ZNF425: variants seen among roughly 807,000 people sequenced by gnomAD.
ZNF425 encodes zinc finger protein 425.
A neutral mutation model predicts 17.0 loss-of-function variants in ZNF425; 21 were observed. The observed-to-expected ratio is 1.23, with a 90% CI of 0.88 to 1.78. ZNF425 has a LOEUF of 1.78. ZNF425 is among the 40% of genes most tolerant of loss of function. The probability of loss-of-function intolerance (pLI) is 0.00; values close to 1 mark genes in which losing one functional copy is unlikely to be tolerated. For synonymous variants in ZNF425, 433 were observed against 384.1 expected, an observed-to-expected ratio of 1.13 and a Z score of -1.49; for missense variants, 868 against 967.3, an observed-to-expected ratio of 0.90 and a Z score of 1.36.
chr7:149,112,324 G>A (rs773018762), intron 2 of ZNF425, 29 bp from the exon 3 acceptor site: 2 of 1,600,190 alleles, frequency 1.2e-6, no homozygotes, highest in Admixed American at 3.4e-5. Flanking sequence ...CAGACTTTGA[G>A]TTTACTGCAT....
intron 2 of ZNF425, among the ~76,000 whole-genome samples, chr7:149,117,610 A>ATCTTTT (rs919363001): frequency 2.2e-4 from 1 of 4,580 alleles, no homozygotes; most frequent in Non-Finnish European, 5.3e-4. Context: ...CTTCTTTTAA[A>ATCTTTT]AAAAAAGGGG....
chr7:149,115,456 C>T (rs187259349), intron 2 of ZNF425, among the ~76,000 whole-genome samples: 1 of 138,598 alleles, frequency 7.2e-6, no homozygotes, highest in Non-Finnish European at 1.5e-5. Flanking sequence ...GAGTTCGAGA[C>T]CACCCTGGCC....
chr7:149,104,260 T>C lies in ZNF425; in HGVS notation c.1611A>G (p.Arg537=), dbSNP rs1159271743. Residue 537 remains arginine, a synonymous_variant, in exon 4 of 4, where the codon CGA becomes CGG. Coordinates refer to ENST00000378061, the MANE Select transcript of ZNF425 (RefSeq NM_001001661.3). The surrounding 1 kb of genome is among the most constrained non-coding windows in gnomAD (Gnocchi z 4.3). ...SCAECGRSFR[R]RAHLTEHTRL... is the part of the protein sequence containing the mutation. ...TCGTGTGCTCTGTGAGATGCGCGCG[T>C]CGGCGGAAACTGCGGCCGCACTCGG... 3 of 1,613,470 alleles carry C rather than the reference T, an allele frequency of 1.9e-6. No homozygotes were observed. The South Asian group carries it at 3.3e-5, about 18-fold the overall frequency.
intron 2 of ZNF425, among the ~76,000 whole-genome samples, chr7:149,113,668 C>T (rs1826210006): frequency 6.6e-6 from 1 of 151,560 alleles, no homozygotes; most frequent in African/African-American, 2.4e-5. Flanking sequence ...TCTCCTGCCT[C>T]AGCCTCCCGA....
rs539837535 is a variant in ZNF425, at chr7:149,111,623, T to A, written c.304+514A>T. On this transcript the variant is annotated intron_variant, in intron 3 of 3. Transcript: ENST00000378061. ...AAAAAAAAAAAAAAAAAAAAAAAATTATATATCTATATAAAACTTTCTGTA... is the reference window on the plus strand; with the variant it reads ...AAAAAAAAAAAAAAAAAAAAAAAATAATATATCTATATAAAACTTTCTGTA... 9.4e-3 allele frequency among the ~76,000 whole-genome samples: 1,180 copies of A among 125,692 alleles called. 5 individuals are homozygous for A. The highest frequency in any genetic ancestry group is 0.02 in the African/African-American group (644 of 32,676). 82.5% of individuals were successfully genotyped at this position (125,692 alleles called of 152,430 possible).
At chr7:149,121,782 T>C (rs1354863144) in intron 1 of ZNF425, among the ~76,000 whole-genome samples, 2 of 152,182 alleles carry the variant, frequency 1.3e-5, no homozygotes, top group Non-Finnish European at 2.9e-5. Flanking sequence ...ACTGTTCTGA[T>C]AGGTGTATAG....
chr7:149,107,758 A>G (rs980909298), intron 3 of ZNF425, among the ~76,000 whole-genome samples: 1 of 152,106 alleles, frequency 6.6e-6, no homozygotes, highest in Non-Finnish European at 1.5e-5. Context: ...ACCATTGCAG[A>G]TATTCACTTA....
intron 1 of ZNF425, among the ~76,000 whole-genome samples, chr7:149,121,596 T>C (rs1826353533): frequency 6.6e-6 from 1 of 152,102 alleles, no homozygotes; most frequent in Non-Finnish European, 1.5e-5. Flanking sequence ...TTCACTATGT[T>C]GGTCAGGCTG....
In ZNF425 at chr7:149,104,465, G is replaced by C. The variant is rs564517698; in HGVS notation, c.1406C>G (p.Pro469Arg). ...CTTGCCGCACTCGGCGCAGGGGAAG[G>C]GCTTTTGCTCGCTGTGCAGGCGCTG... is the stretch of plus-strand genomic sequence containing the variant. ...AHQRLHSEQK[P>R]FPCAECGKRF... The change falls in exon 4 of 4, where the codon CCC (proline) becomes CGC (arginine). Residue 469 changes from proline (P) to arginine (R), a missense_variant. Coordinates refer to ENST00000378061, the MANE Select transcript of ZNF425 (RefSeq NM_001001661.3). This position sits in a 1 kb window ranked among gnomAD's most constrained non-coding sequence, Gnocchi z 4.3. The C allele has an allele frequency of 5.6e-6, 9 of 1,599,810 alleles. No homozygotes were observed. Among genetic ancestry groups the C allele is most frequent in the Non-Finnish European group, 7.7e-6 (9 of 1,174,100 alleles).
At position 149,105,157 on chromosome 7, in the gene ZNF425, C is replaced by G; in HGVS notation, c.714G>C (p.Arg238Ser). ...GGAACCGCTTCTTCTGACACAGGAG[C>G]CTCTGCGTCCGCCTGAGTTCGGACT... ...RGKSELRRTQ[R>S]LLCQKKRFQC... The change falls in exon 4 of 4, where the codon AGG becomes AGC. Residue 238 changes from arginine to serine, a missense_variant. By Grantham distance (110) the Arg-to-Ser change is moderately radical. This residue lies in a region of ZNF425 where 243 missense variants were observed against 265.2 expected (regional missense o/e 0.92). Coordinates refer to ENST00000378061, the MANE Select transcript of ZNF425 (RefSeq NM_001001661.3). The G allele has an allele frequency of 6.2e-7, 1 of 1,614,198 alleles. No homozygotes were observed. The highest frequency in any genetic ancestry group is 8.5e-7 in the Non-Finnish European group (1 of 1,180,032).
At chr7:149,107,445 C>T (rs949498794) in intron 3 of ZNF425, among the ~76,000 whole-genome samples, 55 of 151,922 alleles carry the variant, frequency 3.6e-4, no homozygotes, top group African/African-American at 1.3e-3. Flanking sequence ...TCATGCCATT[C>T]TCCTGCCTCA....
Position 149,122,857 on chromosome 7 carries a change from A to C in ZNF425, c.18+3339T>G, listed in dbSNP as rs150919468. ...ATTACAGGCATGTGCGACCACGCCC[A>C]GCTAATTTTGTATTTTTAGTAGAGA... On this transcript the variant is annotated intron_variant, in intron 1 of 3. Coordinates refer to ENST00000378061, the MANE Select transcript of ZNF425 (RefSeq NM_001001661.3). 2.0e-5 allele frequency among the ~76,000 whole-genome samples: 3 copies of C among 151,856 alleles called. No homozygotes were observed. In the South Asian group the frequency reaches 6.2e-4, roughly 32 times the overall value.
chr7:149,107,076 C>A (rs1826092118), intron 3 of ZNF425, among the ~76,000 whole-genome samples: 1 of 146,694 alleles, frequency 6.8e-6, no homozygotes, highest in Non-Finnish European at 1.5e-5. Context: ...CACTGTACTC[C>A]AGCCTGGGTG....
intron 2 of ZNF425, among the ~76,000 whole-genome samples, chr7:149,115,858 A>G (rs1322386628): frequency 2.0e-5 from 3 of 152,182 alleles, no homozygotes; most frequent in Non-Finnish European, 2.9e-5. Flanking sequence ...CAGCACCTCA[A>G]GTACTTGTGA....
chr7:149,120,557 T>C (rs926712290), intron 1 of ZNF425, among the ~76,000 whole-genome samples: 1 of 152,224 alleles, frequency 6.6e-6, no homozygotes, highest in African/African-American at 2.4e-5. Flanking sequence ...ACAGTGGTCC[T>C]ATAAGATTAT....
Position 149,104,271 on chromosome 7 carries a change from T to G in ZNF425, c.1600A>C (p.Ser534Arg). The change falls in exon 4 of 4, where the codon AGT (serine) becomes CGT (arginine). Residue 534 changes from serine (S) to arginine (R), a missense_variant. Coordinates refer to ENST00000378061, the MANE Select transcript of ZNF425 (RefSeq NM_001001661.3). This position sits in a 1 kb window ranked among gnomAD's most constrained non-coding sequence, Gnocchi z 4.3. ...GTGAGATGCGCGCGTCGGCGGAAAC[T>G]GCGGCCGCACTCGGCGCAGGAGAAC... ...KPFSCAECGR[S>R]FRRRAHLTEH... is the part of the protein sequence containing the mutation. 6.2e-7 allele frequency: 1 copy of G among 1,613,600 alleles called. No individual in the cohort carries two copies. The highest frequency in any genetic ancestry group is 1.1e-5 in the South Asian group (1 of 91,072).
At chr7:149,110,172 G>A (rs887412027) in intron 3 of ZNF425, among the ~76,000 whole-genome samples, 1 of 151,786 alleles carries the variant, frequency 6.6e-6, no homozygotes, top group South Asian at 2.1e-4. Flanking sequence ...CACCGCGCCT[G>A]ACCAGGAAAT....
intron 3 of ZNF425, among the ~76,000 whole-genome samples, chr7:149,108,694 C>T (rs1266503263): frequency 6.6e-6 from 1 of 152,042 alleles, no homozygotes; most frequent in African/African-American, 2.4e-5. Flanking sequence ...GAGATGGAGA[C>T]CATCCTGGCT....
rs771808860 is a variant in ZNF425, at chr7:149,112,314, C to G, written c.146-19G>C. 1.2e-6 allele frequency: 2 copies of G among 1,610,050 alleles called. No individual in the cohort carries two copies. Among genetic ancestry groups the G allele is most frequent in the Admixed American group, 3.4e-5 (2 of 59,398 alleles). ...GCATACCCTGCAAATAGAGTCCACA[C>G]AGACTTTGAGTTTACTGCATACTTA... On this transcript the variant is annotated intron_variant, in intron 2 of 3. Transcript: ENST00000378061.
Sources: gnomAD v4.1 joint callset for allele counts (sites outside exome capture counted in the v4.1 genomes callset) on GRCh38, gnomAD v4.1.1 for gene constraint, gnomAD v4.1.1 regional missense constraint, Gnocchi (gnomAD v3.1) non-coding constraint, MANE v1.5 for transcripts, NCBI Gene and HGNC (gene_info 2026-07-23, HGNC 2026-07-21) for gene names.